Variants in TRIP12 observed in about 807,000 individuals in gnomAD.
TRIP12 encodes the protein E3 ubiquitin-protein ligase TRIP12.
A neutral mutation model predicts 244.2 loss-of-function variants in TRIP12; 25 were observed. The observed-to-expected ratio is 0.10, with a 90% CI of 0.07 to 0.14. TRIP12 has a LOEUF of 0.14. Among genes scored for constraint, TRIP12 ranks in the 10% least tolerant of loss-of-function variants. TRIP12 has a pLI of 1.00. For synonymous variants in TRIP12, 905 were observed against 873.1 expected, an observed-to-expected ratio of 1.04 and a Z score of -0.64; for missense variants, 1,677 against 2,486.4, an observed-to-expected ratio of 0.67 and a Z score of 6.92.
In TRIP12 at chr2:229,908,349, C is replaced by T. The variant is rs1342787562; in HGVS notation, c.-50+13531G>A. On this transcript the variant is annotated intron_variant, in intron 1 of 41. Coordinates refer to ENST00000675903, the MANE Select transcript of TRIP12 (RefSeq NM_001348323.3). Reference sequence around the variant, plus strand: ...CAAATATATACAGATGCAAATAATGCAACTATTCTGAGAAATATCTTGGTA... The same window carrying T: ...CAAATATATACAGATGCAAATAATGTAACTATTCTGAGAAATATCTTGGTA... Among the ~76,000 whole-genome samples, 16 of 152,156 alleles carry T rather than the reference C, an allele frequency of 1.1e-4. 1 individual carries two copies. In the East Asian group the frequency reaches 3.1e-3, roughly 29 times the overall value.
chr2:229,844,061 T>C (rs2057071985), intron 4 of TRIP12, among the ~76,000 whole-genome samples: 1 of 152,246 alleles, frequency 6.6e-6, no homozygotes, highest in South Asian at 2.1e-4. Context: ...TAAAACTGTA[T>C]GTATCCAGTT....
chr2:229,808,225 C>T, intron 16 of TRIP12, 27 bp downstream of exon 16: 1 of 1,560,664 alleles, frequency 6.4e-7, no homozygotes, highest in Non-Finnish European at 8.8e-7. Context: ...CTTGGCCTCC[C>T]AAAGTGATAT....
At chr2:229,805,249 A>AACAACAACAACAACAACAACAAC (rs1559522902) in intron 18 of TRIP12, among the ~76,000 whole-genome samples, 1 of 17,534 alleles carries the variant, frequency 5.7e-5, no homozygotes, top group African/African-American at 1.8e-4. Context: ...ACAACAACAA[A>AACAACAACAACAACAACAACAAC]AATATTTGCA....
chr2:229,774,181 A>T lies in TRIP12; in HGVS notation c.5610T>A (p.Thr1870=). 2 of 1,614,190 alleles carry T rather than the reference A, an allele frequency of 1.2e-6. No homozygotes were observed. The highest frequency in any genetic ancestry group is 1.7e-5 in the Admixed American group (1 of 60,018). The stretch of plus-strand genomic sequence containing the variant: ...GTTCGATATTGGGAAACCCTGGCAG[A>T]GTGAAATCCAGTCCTAGATCTTCAA... ...CSVEDLGLDF[T]LPGFPNIELK... Residue 1870 remains threonine (T), a synonymous_variant, in exon 38 of 42, where the codon ACT becomes ACA. Transcript: ENST00000675903.
intron 17 of TRIP12, chr2:229,806,178 A>C (rs184658794): frequency 6.7e-4 from 157 of 233,808 alleles, no homozygotes; most frequent in Non-Finnish European, 1.0e-3. Flanking sequence ...GACACAAAGA[A>C]GACACCATTT....
chr2:229,782,994 A>G (rs1176917002), intron 34 of TRIP12, among the ~76,000 whole-genome samples: 1 of 152,232 alleles, frequency 6.6e-6, no homozygotes, highest in Non-Finnish European at 1.5e-5. Flanking sequence ...GTTTAAAAGT[A>G]TCTGAAAAGA....
chr2:229,861,651 T>C (rs2060502416), intron 2 of TRIP12, among the ~76,000 whole-genome samples: 1 of 152,172 alleles, frequency 6.6e-6, no homozygotes, highest in Non-Finnish European at 1.5e-5. Context: ...TCTTAAGATA[T>C]CATACAAGTA....
rs1313945979 is a variant in TRIP12, at chr2:229,777,573, T to C, written c.5365-94A>G. On this transcript the variant is annotated intron_variant, in intron 36 of 41. Transcript: ENST00000675903. The stretch of plus-strand genomic sequence containing the variant: ...CTTCAGGAGATCATTTAAATATTAA[T>C]AGGTCAAGTAATCCCCAAGAAAGAA... 15 of 1,250,926 alleles carry C rather than the reference T, an allele frequency of 1.2e-5. No individual in the cohort carries two copies. The Admixed American group carries it at 1.4e-4, about 11-fold the overall frequency. The allele number at this position is 1,250,926 out of a possible 1,614,324, so 77.5% of individuals were successfully genotyped here. A position where few individuals can be genotyped will look rare whatever the true frequency, so the allele number is the denominator to read the frequency against.
intron 4 of TRIP12, among the ~76,000 whole-genome samples, chr2:229,855,172 T>C (rs1469005656): frequency 6.6e-6 from 1 of 151,984 alleles, no homozygotes; most frequent in Non-Finnish European, 1.5e-5. Context: ...GAGGCTGAGA[T>C]AGGAGAATCA....
At position 229,807,764 on chromosome 2, in the gene TRIP12, G is replaced by A. The variant is rs777391885; in HGVS notation, c.2440C>T (p.Arg814Cys). The A allele has an allele frequency of 3.1e-6, 5 of 1,614,030 alleles. No individual in the cohort carries two copies. In the East Asian group the frequency reaches 8.9e-5, roughly 29 times the overall value. Residue 814 changes from arginine to cysteine, a missense_variant, in exon 17 of 42, where the codon CGT (arginine) becomes TGT (cysteine). Physicochemically the swap from Arg to Cys is radical, Grantham distance 180 (BLOSUM62 -3). Transcript: ENST00000675903. ...GGATGCCAGAGGCCCCGATCATCAC[G>A]CCACTGCCATATCGCACCATCTGTG... The part of the protein sequence containing the change: ...QNTDGAIWQW[R>C]DDRGLWHPYN...
At chr2:229,906,557 TAAAACTACA>T (rs1479268924) in intron 1 of TRIP12, among the ~76,000 whole-genome samples, 1 of 151,062 alleles carries the variant, frequency 6.6e-6, no homozygotes, top group East Asian at 1.9e-4. Context: ...CTGTCTCTAC[TAAAACTACA>T]AAAATTAGCT....
At chr2:229,922,628 T>C (rs1239447062), upstream of TRIP12, 1 of 1,612,896 alleles carries the variant, frequency 6.2e-7, no homozygotes, top group Admixed American at 1.7e-5. Context: ...GAGCCGCGGT[T>C]TACCCTCTCT....
chr2:229,841,864 G>C (rs983208071), intron 4 of TRIP12, among the ~76,000 whole-genome samples: 1 of 152,078 alleles, frequency 6.6e-6, no homozygotes, highest in Non-Finnish European at 1.5e-5. Context: ...TTACTCCTTT[G>C]TGGAAAAGCA....
In TRIP12 at chr2:229,767,766, A is replaced by C. The variant is rs1340901778; in HGVS notation, c.6008-16T>G. 6.3e-7 allele frequency: 1 copy of C among 1,597,644 alleles called. No individual in the cohort carries two copies. Among genetic ancestry groups the C allele is most frequent in the Non-Finnish European group, 8.5e-7 (1 of 1,174,372 alleles). ...CTCCGGAATCCTGATTAAGAGAAAA[A>C]GAAAGACAAGGAACTTAAGTTTTTA... On this transcript the variant is annotated splice_polypyrimidine_tract_variant and intron_variant, in intron 41 of 41. Transcript: ENST00000675903.
At position 229,836,877 on chromosome 2, in the gene TRIP12, C is replaced by T. The variant is rs75723349; in HGVS notation, c.1241G>A (p.Arg414Gln). 1.1e-5 allele frequency: 18 copies of T among 1,599,440 alleles called. No individual in the cohort carries two copies. The highest frequency in any genetic ancestry group is 4.6e-5 in the East Asian group (2 of 43,020). ...NQEAVNSSAA[R>Q]TDEAPQGAAA... is the part of the protein sequence containing the mutation. ...AGCTCCTTGGGGAGCTTCATCTGTC[C>T]GAGCAGCTGAAGAATTTACTGCCTC... The change falls in exon 6 of 42, where the codon CGG (arginine) becomes CAG (glutamine). Residue 414 changes from arginine (R) to glutamine (Q), a missense_variant. Arg to Gln is a conservative substitution (Grantham distance 43). This residue lies in a region of TRIP12 where 143 missense variants were observed against 215.6 expected (regional missense o/e 0.66). Coordinates refer to ENST00000675903, the MANE Select transcript of TRIP12 (RefSeq NM_001348323.3).
intron 2 of TRIP12, among the ~76,000 whole-genome samples, chr2:229,861,663 A>C (rs1446469299): frequency 6.6e-6 from 1 of 152,198 alleles, no homozygotes; most frequent in East Asian, 1.9e-4. Context: ...ATACAAGTAC[A>C]ACCATCTGTT....
intron 4 of TRIP12, among the ~76,000 whole-genome samples, chr2:229,847,120 A>C (rs1210759833): frequency 6.6e-6 from 1 of 152,380 alleles, no homozygotes; most frequent in East Asian, 1.9e-4. Context: ...TGACTTAACA[A>C]GGAAAGAGTG....
At chr2:229,878,484 C>T (rs546179529) in intron 2 of TRIP12, among the ~76,000 whole-genome samples, 5 of 151,634 alleles carry the variant, frequency 3.3e-5, no homozygotes, top group Non-Finnish European at 5.9e-5. Flanking sequence ...AGAAATCACA[C>T]GCAAAGCTGC....
intron 1 of TRIP12, among the ~76,000 whole-genome samples, chr2:229,914,442 GT>G (rs2074985648): frequency 6.6e-6 from 1 of 152,066 alleles, no homozygotes; most frequent in South Asian, 2.1e-4. Context: ...GAAGCACTTG[GT>G]TTTTGAGAAT....
Sources: gnomAD v4.1 joint callset for allele counts (sites outside exome capture counted in the v4.1 genomes callset) on GRCh38, gnomAD v4.1.1 for gene constraint, gnomAD v4.1.1 regional missense constraint, MANE v1.5 for transcripts, NCBI Gene and HGNC (gene_info 2026-07-23, HGNC 2026-07-21) for gene names.